XKR4: variants seen among roughly 807,000 people sequenced by gnomAD.
XKR4 encodes XK related 4, also known as XK-related protein 4.
Under a neutral mutation model 53.9 loss-of-function variants are expected in XKR4, and 12 were observed. The ratio of observed to expected loss-of-function variants is 0.22; its 90% CI spans 0.14 to 0.36. The LOEUF (loss-of-function observed/expected upper bound fraction) is 0.36, where lower values mean the gene tolerates loss of function less well. Ranked by LOEUF, XKR4 falls within the 10% of genes least tolerant of loss-of-function variation. XKR4 has a pLI of 1.00. For synonymous variants in XKR4, 354 were observed against 362.4 expected (o/e 0.98, Z 0.26); for missense variants, 799 against 859.5 (o/e 0.93, Z 0.88).
intron 1 of XKR4, among the ~76,000 whole-genome samples, chr8:55,255,823 C>G (rs758153061): frequency 1.6e-4 from 24 of 151,990 alleles, no homozygotes; most frequent in Non-Finnish European, 3.4e-4. Flanking sequence ...AGAGCTGGTG[C>G]GATACAAATG....
At chr8:55,425,271 G>C (rs1804995187) in intron 2 of XKR4, among the ~76,000 whole-genome samples, 1 of 152,162 alleles carries the variant, frequency 6.6e-6, no homozygotes, top group Admixed American at 6.5e-5. Context: ...TGATTTCAAA[G>C]AGCCACAAAA....
rs531910359 is a variant in XKR4, at chr8:55,489,656, T to A, written c.1007-33625T>A. ...TTTTATACTAGATCTATTCACTTAA[T>A]ATATTTATGTTTAAGTATCTCGTAA... On this transcript the variant is annotated intron_variant, in intron 2 of 2. Transcript: ENST00000327381. 7.2e-5 allele frequency among the ~76,000 whole-genome samples: 11 copies of A among 152,262 alleles called. No homozygotes were observed. In the East Asian group the frequency reaches 1.7e-3, roughly 24 times the overall value.
rs201272090 is a variant in XKR4 at position 55,531,481 on chromosome 8, A to G, written c.*7254A>G. 1.3e-5 allele frequency: 2 copies of G among 152,194 alleles called. No homozygotes were observed. Among genetic ancestry groups the G allele is most frequent in the East Asian group, 3.8e-4 (2 of 5,198 alleles). The allele number at this position is 152,194 out of a possible 1,614,324, so 9.4% of individuals were successfully genotyped here. A position where few individuals can be genotyped will look rare whatever the true frequency, so the allele number is the denominator to read the frequency against. ...ACAATTAACATATGAAATAATGATG[A>G]TGAACATAAAGTAACAATACAAATA... On this transcript the variant is annotated 3_prime_UTR_variant, in exon 3 of 3. Coordinates refer to ENST00000327381, the MANE Select transcript of XKR4 (RefSeq NM_052898.2).
chr8:55,458,127 C>G (rs1468193227), intron 2 of XKR4, among the ~76,000 whole-genome samples: 2 of 151,884 alleles, frequency 1.3e-5, no homozygotes, highest in Non-Finnish European at 2.9e-5. Flanking sequence ...ATAGACAAGC[C>G]AATCCAAAAA....
intron 1 of XKR4, among the ~76,000 whole-genome samples, chr8:55,258,187 G>T (rs973670337): frequency 6.6e-6 from 1 of 152,216 alleles, no homozygotes; most frequent in Admixed American, 6.5e-5. Flanking sequence ...GGGGACACTG[G>T]GTATATCCTC....
chr8:55,400,491 C>T (rs1025333157), intron 2 of XKR4, among the ~76,000 whole-genome samples: 1 of 152,108 alleles, frequency 6.6e-6, no homozygotes, highest in Non-Finnish European at 1.5e-5. Context: ...CAAGTCCCTG[C>T]TGAATCATTT....
At chr8:55,468,341 A>C (rs1203705492) in intron 2 of XKR4, among the ~76,000 whole-genome samples, 1 of 152,126 alleles carries the variant, frequency 6.6e-6, no homozygotes, top group Non-Finnish European at 1.5e-5. Context: ...CTGTCAGTTT[A>C]CAGCTCTGAG....
chr8:55,182,147 A>G (rs1369744048), intron 1 of XKR4, among the ~76,000 whole-genome samples: 5 of 152,044 alleles, frequency 3.3e-5, no homozygotes, highest in Non-Finnish European at 7.4e-5. Flanking sequence ...ATGAATTTTG[A>G]AAGTTAGTTG....
chr8:55,453,200 C>T (rs1298995242), intron 2 of XKR4: 2 of 492,968 alleles, frequency 4.1e-6, no homozygotes, highest in Non-Finnish European at 8.3e-6. Context: ...AACTACCTTA[C>T]CCCTTGGCTC....
chr8:55,338,047 C>T (rs530702136), intron 1 of XKR4, among the ~76,000 whole-genome samples: 1 of 152,256 alleles, frequency 6.6e-6, no homozygotes, highest in East Asian at 1.9e-4. Context: ...TTGGCCTGCC[C>T]TGTACGACAA....
At chr8:55,457,498 C>CA (rs1278334532) in intron 2 of XKR4, among the ~76,000 whole-genome samples, 1 of 151,856 alleles carries the variant, frequency 6.6e-6, no homozygotes, top group Non-Finnish European at 1.5e-5. Context: ...AACTATTCCC[C>CA]AAAAAATAAA....
chr8:55,277,038 A>C (rs1248308504), intron 1 of XKR4, among the ~76,000 whole-genome samples: 1 of 152,248 alleles, frequency 6.6e-6, no homozygotes, highest in Non-Finnish European at 1.5e-5. Flanking sequence ...TGAGTCTGAC[A>C]GCACTTAGGA....
At chr8:55,142,520 T>C (rs1279978929) in intron 1 of XKR4, among the ~76,000 whole-genome samples, 4 of 152,264 alleles carry the variant, frequency 2.6e-5, no homozygotes, top group African/African-American at 9.6e-5. Flanking sequence ...TTTTAAAATA[T>C]AAATGCTTAC....
At chr8:55,390,464 C>T (rs1049808534) in intron 2 of XKR4, among the ~76,000 whole-genome samples, 15 of 152,168 alleles carry the variant, frequency 9.9e-5, no homozygotes, top group Admixed American at 5.9e-4. Context: ...TCATAGTTTA[C>T]ATCAATTGAT....
intron 2 of XKR4, among the ~76,000 whole-genome samples, chr8:55,479,146 G>A (rs867482476): frequency 6.6e-6 from 1 of 152,116 alleles, no homozygotes; most frequent in East Asian, 1.9e-4. Context: ...TCACATGCTT[G>A]GAAGTAAAGC....
In XKR4 at chr8:55,428,912, A is replaced by G. The variant is rs1805057449; in HGVS notation, c.1006+71035A>G. Among the ~76,000 whole-genome samples, 3 of 152,264 alleles carry G rather than the reference A, an allele frequency of 2.0e-5. No individual in the cohort carries two copies. In the South Asian group the frequency reaches 6.2e-4, roughly 32 times the overall value. On this transcript the variant is annotated intron_variant, in intron 2 of 2. Transcript: ENST00000327381. ...AATCTCAGCAATAGTGTTTCTAGATAAAGACAAAATTATTCTAACATTTAC... is the reference window on the plus strand; with the variant it reads ...AATCTCAGCAATAGTGTTTCTAGATGAAGACAAAATTATTCTAACATTTAC...
intron 2 of XKR4, among the ~76,000 whole-genome samples, chr8:55,412,992 GT>G (rs1353186909): frequency 6.6e-6 from 1 of 152,218 alleles, no homozygotes; most frequent in African/African-American, 2.4e-5. Flanking sequence ...AGATAACAAT[GT>G]CATTGACAGC....
intron 1 of XKR4, among the ~76,000 whole-genome samples, chr8:55,303,042 G>T (rs1819228317): frequency 6.6e-6 from 1 of 152,158 alleles, no homozygotes; most frequent in African/African-American, 2.4e-5. Context: ...TGTTGAATAG[G>T]AGTGGTGAGA....
chr8:55,442,741 G>A (rs1294358642), intron 2 of XKR4, among the ~76,000 whole-genome samples: 1 of 152,198 alleles, frequency 6.6e-6, no homozygotes, highest in Non-Finnish European at 1.5e-5. Context: ...AACGTTATAT[G>A]ATTCCATTTA....
Sources: gnomAD v4.1 joint callset for allele counts (sites outside exome capture counted in the v4.1 genomes callset) on GRCh38, gnomAD v4.1.1 for gene constraint, MANE v1.5 for transcripts, NCBI Gene and HGNC (gene_info 2026-07-23, HGNC 2026-07-21) for gene names.